TAF13: variants seen among roughly 807,000 people sequenced by gnomAD.
The protein encoded by TAF13 is transcription initiation factor TFIID subunit 13.
In TAF13, 9 loss-of-function variants were observed where a neutral mutation model predicts 18.7. The observed-to-expected ratio is 0.48, with a 90% CI of 0.29 to 0.84. TAF13 has a LOEUF of 0.84. Ranked by LOEUF, TAF13 falls within the 40% of genes least tolerant of loss-of-function variation. The probability of loss-of-function intolerance (pLI) is 0.08; values close to 1 mark genes in which losing one functional copy is unlikely to be tolerated. For synonymous variants in TAF13, 49 were observed against 44.1 expected (o/e 1.11, Z -0.44); for missense variants, 105 against 146.5 (o/e 0.72, Z 1.46).
intron 2 of TAF13, among the ~76,000 whole-genome samples, chr1:109,069,202 AGTGTGT>A (rs59365913): frequency 0.023 from 3,388 of 150,300 alleles, 48 homozygotes; most frequent in South Asian, 0.034. Flanking sequence ...CAAGTGTGTG[AGTGTGT>A]GTGTGTGTGT....
intron 2 of TAF13, among the ~76,000 whole-genome samples, chr1:109,069,287 C>T (rs1664010018): frequency 6.6e-6 from 1 of 151,948 alleles, no homozygotes; most frequent in Non-Finnish European, 1.5e-5. Flanking sequence ...CCGTGGATAC[C>T]AAAATCTGCA....
rs35296800 is a variant in TAF13, at chr1:109,064,156, C to CAAAAAAAAAAAAAAAAAAAAAAAAAAA, written c.*366_*367insTTTTTTTTTTTTTTTTTTTTTTTTTTT. On this transcript the variant is annotated 3_prime_UTR_variant, in exon 4 of 4. Transcript: ENST00000338366. The stretch of plus-strand genomic sequence containing the variant: ...CTGCCAACATAGTGAGACTCCATCT[C>CAAAAAAAAAAAAAAAAAAAAAAAAAAA]AAAAAAAAAAAAAAAAAAAAAAAAA... 2.1e-5 allele frequency: 1 copy of CAAAAAAAAAAAAAAAAAAAAAAAAAAA among 47,096 alleles called. No homozygotes were observed. The highest frequency in any genetic ancestry group is 3.4e-5 in the Non-Finnish European group (1 of 29,800). 2.9% of individuals were successfully genotyped at this position (47,096 alleles called of 1,614,324 possible).
chr1:109,069,058 T>G (rs1303184217), intron 2 of TAF13, among the ~76,000 whole-genome samples: 1 of 152,190 alleles, frequency 6.6e-6, no homozygotes, highest in Admixed American at 6.6e-5. Flanking sequence ...AAAAATTTTA[T>G]ACATTATCTG....
intron 2 of TAF13, among the ~76,000 whole-genome samples, chr1:109,069,774 G>C (rs1045758220): frequency 6.6e-6 from 1 of 151,990 alleles, no homozygotes; most frequent in African/African-American, 2.4e-5. Flanking sequence ...AGAAGAAAAG[G>C]GTGACTTGGA....
At chr1:109,070,739 T>C (rs1410262815) in intron 2 of TAF13, among the ~76,000 whole-genome samples, 1 of 152,092 alleles carries the variant, frequency 6.6e-6, no homozygotes, top group Non-Finnish European at 1.5e-5. Flanking sequence ...AGATCTTTCG[T>C]CAGTAACTTC....
chr1:109,074,560 C>T (rs941609404), intron 2 of TAF13, among the ~76,000 whole-genome samples: 1 of 151,814 alleles, frequency 6.6e-6, no homozygotes, highest in Non-Finnish European at 1.5e-5. Flanking sequence ...GAGAAACACC[C>T]AAGAATGATC....
chr1:109,072,419 A>G (rs1365647366), intron 2 of TAF13, among the ~76,000 whole-genome samples: 7 of 151,776 alleles, frequency 4.6e-5, no homozygotes, highest in Admixed American at 4.6e-4. Flanking sequence ...TCAATACATT[A>G]TAATCTCCAT....
At position 109,074,944 on chromosome 1, in the gene TAF13, G is replaced by C. The variant is rs768777493; in HGVS notation, c.106+43C>G. 1.9e-5 allele frequency: 28 copies of C among 1,490,704 alleles called. No homozygotes were observed. The Middle Eastern group carries it at 6.9e-4, about 37-fold the overall frequency. The allele number at this position is 1,490,704 out of a possible 1,614,324, so 92.3% of individuals were successfully genotyped here. ...CTACTTTGAAAGGACATGTCCAAAA[G>C]TTTTCATCATCTATAACAAAATCAT... On this transcript the variant is annotated intron_variant, in intron 2 of 3. Coordinates refer to ENST00000338366, the MANE Select transcript of TAF13 (RefSeq NM_005645.4).
At chr1:109,075,292 T>G (rs992438643) in intron 1 of TAF13, among the ~76,000 whole-genome samples, 37 of 152,196 alleles carry the variant, frequency 2.4e-4, no homozygotes, top group African/African-American at 8.4e-4. Flanking sequence ...ATCCTACTGC[T>G]TCTACTTGTA....
intron 2 of TAF13, among the ~76,000 whole-genome samples, chr1:109,071,168 C>T (rs972861721): frequency 1.3e-5 from 2 of 151,812 alleles, no homozygotes; most frequent in Non-Finnish European, 2.9e-5. Flanking sequence ...TGGCCAGGCA[C>T]GGTGGCTCAC....
intron 2 of TAF13, among the ~76,000 whole-genome samples, chr1:109,073,995 A>G (rs546244441): frequency 9.3e-5 from 14 of 151,236 alleles, no homozygotes; most frequent in African/African-American, 3.4e-4. Flanking sequence ...CCGTCTGGGA[A>G]CTGAGGAGCG....
chr1:109,065,305 A>C (rs910785100), intron 3 of TAF13, among the ~76,000 whole-genome samples: 4 of 152,084 alleles, frequency 2.6e-5, no homozygotes, highest in African/African-American at 4.8e-5. Flanking sequence ...CCTGGGCAAC[A>C]TAGTGAGACC....
Position 109,075,958 on chromosome 1 carries a change from C to A in TAF13, c.-11G>T, listed in dbSNP as rs758543852. On this transcript the variant is annotated 5_prime_UTR_variant, in exon 1 of 4. Coordinates refer to ENST00000338366, the MANE Select transcript of TAF13 (RefSeq NM_005645.4). ...TTCCTCATCTGCCATCCCACTAGCACGCCAACTCACAGCGTCCTGCCGGCT... is the reference window on the plus strand; with the variant it reads ...TTCCTCATCTGCCATCCCACTAGCAAGCCAACTCACAGCGTCCTGCCGGCT... The A allele has an allele frequency of 2.9e-5, 47 of 1,614,090 alleles. No homozygotes were observed. In the East Asian group the frequency reaches 1.0e-3, roughly 36 times the overall value.
In TAF13 at chr1:109,074,036, A is replaced by G. The variant is rs576418125; in HGVS notation, c.106+951T>C. ...GCCAGGCCGCCCGCATCTGGGAAGT[A>G]AGGAGCCCCTCTGCCCTGCCGCCAC... On this transcript the variant is annotated intron_variant, in intron 2 of 3. Coordinates refer to ENST00000338366, the MANE Select transcript of TAF13 (RefSeq NM_005645.4). Among the ~76,000 whole-genome samples, 154 of 151,830 alleles carry G rather than the reference A, an allele frequency of 1.0e-3. 1 individual carries two copies. The highest frequency in any genetic ancestry group is 3.5e-3 in the African/African-American group (146 of 41,376).
chr1:109,069,158 G>T (rs79190628), intron 2 of TAF13, among the ~76,000 whole-genome samples: 1 of 152,084 alleles, frequency 6.6e-6, no homozygotes, highest in Non-Finnish European at 1.5e-5. Context: ...TCAAATGCTG[G>T]AAGTGTTCTG....
chr1:109,071,758 C>T (rs1664056394), intron 2 of TAF13, among the ~76,000 whole-genome samples: 1 of 151,564 alleles, frequency 6.6e-6, no homozygotes, highest in African/African-American at 2.4e-5. Flanking sequence ...TCAAGACCAT[C>T]CTGGCCAACA....
Position 109,072,085 on chromosome 1 carries a change from T to C in TAF13, c.106+2902A>G, listed in dbSNP as rs190111705. 4.7e-3 allele frequency among the ~76,000 whole-genome samples: 22 copies of C among 4,676 alleles called. 1 individual carries two copies. The highest frequency in any genetic ancestry group is 0.016 in the African/African-American group (20 of 1,276). The allele number at this position is 4,676 out of a possible 152,430, so 3.1% of individuals were successfully genotyped here. ...ATATATATATATATATACACACACA[T>C]ATATATATATATATATATATATATA... is the stretch of plus-strand genomic sequence containing the variant. On this transcript the variant is annotated intron_variant, in intron 2 of 3. Coordinates refer to ENST00000338366, the MANE Select transcript of TAF13 (RefSeq NM_005645.4).
intron 2 of TAF13, among the ~76,000 whole-genome samples, chr1:109,073,847 C>T (rs1472781074): frequency 6.6e-6 from 1 of 152,158 alleles, no homozygotes; most frequent in Non-Finnish European, 1.5e-5. Context: ...TGTGGGGAAG[C>T]ACCTCTGCCC....
chr1:109,064,179 A>AAAAAAACC lies in TAF13; in HGVS notation c.*343_*344insGGTTTTTT, dbSNP rs1436236637. The AAAAAAACC allele has an allele frequency of 6.5e-6, 1 of 153,860 alleles. No homozygotes were observed. Among genetic ancestry groups the AAAAAAACC allele is most frequent in the Admixed American group, 6.6e-5 (1 of 15,112 alleles). The allele number at this position is 153,860 out of a possible 1,614,324, so 9.5% of individuals were successfully genotyped here. A position where few individuals can be genotyped will look rare whatever the true frequency, so the allele number is the denominator to read the frequency against. On this transcript the variant is annotated 3_prime_UTR_variant, in exon 4 of 4. Coordinates refer to ENST00000338366, the MANE Select transcript of TAF13 (RefSeq NM_005645.4). ...CTCAAAAAAAAAAAAAAAAAAAAAAAAAGCTACAGTATAGCTTACAAGGGC... is the reference window on the plus strand; with the variant it reads ...CTCAAAAAAAAAAAAAAAAAAAAAAAAAAAAACCAAGCTACAGTATAGCTTACAAGGGC...
Sources: gnomAD v4.1 joint callset for allele counts (sites outside exome capture counted in the v4.1 genomes callset) on GRCh38, gnomAD v4.1.1 for gene constraint, MANE v1.5 for transcripts, NCBI Gene and HGNC (gene_info 2026-07-23, HGNC 2026-07-21) for gene names.